Variants in GMDS observed in about 807,000 individuals in gnomAD.
GMDS encodes the protein GDP-mannose 4,6 dehydratase.
Under a neutral mutation model 49.9 loss-of-function variants are expected in GMDS, and 20 were observed. That is an observed-to-expected ratio of 0.40 (90% CI 0.28 to 0.58). The LOEUF (loss-of-function observed/expected upper bound fraction) is 0.58. GMDS is among the 20% of genes least tolerant of loss of function. The pLI is 0.42. For missense variants in GMDS, 362 were observed against 481.4 expected, an observed-to-expected ratio of 0.75 and a Z score of 2.32; for synonymous variants, 177 against 178.6, an observed-to-expected ratio of 0.99 and a Z score of 0.07.
At chr6:2,098,875 G>T (rs1326183176) in intron 4 of GMDS, among the ~76,000 whole-genome samples, 1 of 152,044 alleles carries the variant, frequency 6.6e-6, no homozygotes, top group Non-Finnish European at 1.5e-5. Context: ...AAGATGAAAA[G>T]TTTTATTATT....
At chr6:2,031,802 C>T (rs1353378727) in intron 4 of GMDS, among the ~76,000 whole-genome samples, 2 of 152,140 alleles carry the variant, frequency 1.3e-5, no homozygotes, top group Non-Finnish European at 2.9e-5. Context: ...CTAAATGTTT[C>T]CTGTACTTTC....
At chr6:2,195,083 A>C (rs1220207208) in intron 1 of GMDS, among the ~76,000 whole-genome samples, 1 of 152,238 alleles carries the variant, frequency 6.6e-6, no homozygotes, top group Non-Finnish European at 1.5e-5. Flanking sequence ...TGAAGTTAGC[A>C]AGGGTAAAAT....
intron 7 of GMDS, among the ~76,000 whole-genome samples, chr6:1,864,808 C>G (rs966164740): frequency 6.6e-6 from 1 of 152,126 alleles, no homozygotes; most frequent in Non-Finnish European, 1.5e-5. Flanking sequence ...AGCAAACACC[C>G]GACAAGGCTG....
chr6:1,987,337 T>A (rs1295644386), intron 4 of GMDS, among the ~76,000 whole-genome samples: 1 of 152,254 alleles, frequency 6.6e-6, no homozygotes, highest in African/African-American at 2.4e-5. Flanking sequence ...ACTCGAAGTT[T>A]AAAATCTACT....
chr6:2,218,748 A>T (rs1054036570), intron 1 of GMDS, among the ~76,000 whole-genome samples: 6 of 152,188 alleles, frequency 3.9e-5, no homozygotes, highest in Admixed American at 3.9e-4. Flanking sequence ...CAATCACCAG[A>T]TCATTTATTG....
At chr6:2,236,373 T>C (rs1385915424) in intron 1 of GMDS, among the ~76,000 whole-genome samples, 1 of 152,260 alleles carries the variant, frequency 6.6e-6, no homozygotes, top group Non-Finnish European at 1.5e-5. Flanking sequence ...CTTGTTAGCC[T>C]GCAAGTAAGG....
rs368658010 is a variant in GMDS at position 1,811,517 on chromosome 6, T to C, written c.772-68931A>G. Among the ~76,000 whole-genome samples, 7 of 152,236 alleles carry C rather than the reference T, an allele frequency of 4.6e-5. No homozygotes were observed. In the East Asian group the frequency reaches 9.6e-4, roughly 21 times the overall value. On this transcript the variant is annotated intron_variant, in intron 7 of 10. Coordinates refer to ENST00000380815, the MANE Select transcript of GMDS (RefSeq NM_001500.4). Reference sequence around the variant, plus strand: ...TATTGTATCTTTAAGACACAAAATCTTATTTGTACAATAATTAAAATATTT... The same window carrying C: ...TATTGTATCTTTAAGACACAAAATCCTATTTGTACAATAATTAAAATATTT...
chr6:1,835,157 G>C (rs552941434), intron 7 of GMDS, among the ~76,000 whole-genome samples: 5 of 152,176 alleles, frequency 3.3e-5, no homozygotes, highest in African/African-American at 7.2e-5. Context: ...TCTGTGTTGC[G>C]TAAGGGGGGG....
intron 10 of GMDS, 22 bp downstream of exon 10, chr6:1,624,450 G>C (rs746646212): frequency 1.2e-6 from 2 of 1,604,476 alleles, no homozygotes; most frequent in South Asian, 2.2e-5. Flanking sequence ...AGCGGGCGGC[G>C]TGCGCCCTAA....
At chr6:2,219,482 G>A (rs1780485745) in intron 1 of GMDS, among the ~76,000 whole-genome samples, 1 of 152,116 alleles carries the variant, frequency 6.6e-6, no homozygotes. Flanking sequence ...CTGCAGTAAA[G>A]AACTAGTTAT....
chr6:1,761,365 A>T (rs776081330), intron 7 of GMDS, among the ~76,000 whole-genome samples: 1 of 152,238 alleles, frequency 6.6e-6, no homozygotes, highest in Non-Finnish European at 1.5e-5. Flanking sequence ...ATAATTTAAA[A>T]AATCTGTGAG....
At chr6:2,194,740 A>G (rs921965663) in intron 1 of GMDS, among the ~76,000 whole-genome samples, 2 of 152,246 alleles carry the variant, frequency 1.3e-5, no homozygotes, top group Non-Finnish European at 2.9e-5. Flanking sequence ...CACAGTAAAC[A>G]TTCTTTCAAA....
At chr6:1,852,619 T>TC (rs1463950222) in intron 7 of GMDS, among the ~76,000 whole-genome samples, 5 of 152,126 alleles carry the variant, frequency 3.3e-5, no homozygotes, top group African/African-American at 1.2e-4. Flanking sequence ...TTTCTTAGTG[T>TC]CTTTTTTTTT....
chr6:1,787,060 A>G (rs894734052), intron 7 of GMDS, among the ~76,000 whole-genome samples: 1 of 152,182 alleles, frequency 6.6e-6, no homozygotes, highest in African/African-American at 2.4e-5. Context: ...AAACAAAACT[A>G]AAGTTTCCCA....
intron 9 of GMDS, among the ~76,000 whole-genome samples, chr6:1,654,531 G>T (rs1255987852): frequency 6.6e-6 from 1 of 152,188 alleles, no homozygotes; most frequent in African/African-American, 2.4e-5. Flanking sequence ...ATACTCCATG[G>T]TTCCACTTAC....
chr6:1,780,270 C>G (rs1435813945), intron 7 of GMDS, among the ~76,000 whole-genome samples: 2 of 152,188 alleles, frequency 1.3e-5, no homozygotes, highest in African/African-American at 4.8e-5. Context: ...ATCACTTCTC[C>G]AGGCCCTAGT....
chr6:1,885,736 C>A (rs560927703), intron 7 of GMDS, among the ~76,000 whole-genome samples: 1 of 152,190 alleles, frequency 6.6e-6, no homozygotes, highest in African/African-American at 2.4e-5. Flanking sequence ...CGGGACATCG[C>A]TCCTCCTCTG....
At chr6:1,658,630 T>A (rs1763966244) in intron 9 of GMDS, among the ~76,000 whole-genome samples, 2 of 152,250 alleles carry the variant, frequency 1.3e-5, no homozygotes, top group Non-Finnish European at 2.9e-5. Context: ...AATAAAAAAA[T>A]ACTTCTAGAG....
intron 9 of GMDS, among the ~76,000 whole-genome samples, chr6:1,634,600 C>T (rs576953699): frequency 3.3e-5 from 5 of 152,300 alleles, no homozygotes; most frequent in African/African-American, 9.6e-5. Flanking sequence ...CTTTGAACTC[C>T]ATCCTTTACC....
Sources: gnomAD v4.1 joint callset for allele counts (sites outside exome capture counted in the v4.1 genomes callset) on GRCh38, gnomAD v4.1.1 for gene constraint, MANE v1.5 for transcripts, NCBI Gene and HGNC (gene_info 2026-07-23, HGNC 2026-07-21) for gene names.